The following PATJ variants were observed in gnomAD, a reference collection of about 807,000 sequenced individuals.
PATJ encodes PATJ crumbs cell polarity complex component.
Under a neutral mutation model 224.9 loss-of-function variants are expected in PATJ, and 190 were observed. That is an observed-to-expected ratio of 0.84 (90% CI 0.75 to 0.95). The LOEUF is 0.95. Ranked by LOEUF, PATJ falls within the 40% of genes least tolerant of loss-of-function variation. The probability of loss-of-function intolerance (pLI) is 0.00; values close to 1 mark genes in which losing one functional copy is unlikely to be tolerated. For synonymous variants in PATJ, 769 were observed against 820.3 expected (o/e 0.94, Z 1.07); for missense variants, 2,121 against 2,270.3 (o/e 0.93, Z 1.34).
intron 41 of PATJ, among the ~76,000 whole-genome samples, chr1:62,137,522 G>GAGTGAGGGGGGA (rs1667050299): frequency 3.2e-5 from 3 of 94,656 alleles, no homozygotes; most frequent in Non-Finnish European, 6.5e-5. Flanking sequence ...AGGGGGCACA[G>GAGTGAGGGGGGA]CAGTCTGAGG....
At chr1:62,056,836 T>A (rs1313328393) in intron 31 of PATJ, among the ~76,000 whole-genome samples, 1 of 152,142 alleles carries the variant, frequency 6.6e-6, no homozygotes, top group African/African-American at 2.4e-5. Context: ...TACTACACTT[T>A]GTTTTTTTTA....
chr1:61,803,296 G>A (rs576427814), intron 12 of PATJ, among the ~76,000 whole-genome samples: 1 of 152,038 alleles, frequency 6.6e-6, no homozygotes, highest in Non-Finnish European at 1.5e-5. Flanking sequence ...ATAAATAAAA[G>A]ATAAAACATT....
intron 28 of PATJ, among the ~76,000 whole-genome samples, chr1:62,002,193 G>A (rs1645814457): frequency 1.3e-5 from 2 of 152,032 alleles, no homozygotes; most frequent in Admixed American, 1.3e-4. Flanking sequence ...TTGGATTCTG[G>A]CTCTGCCACC....
At chr1:61,871,843 C>T (rs1278907718) in intron 20 of PATJ, among the ~76,000 whole-genome samples, 6 of 149,218 alleles carry the variant, frequency 4.0e-5, no homozygotes, top group African/African-American at 7.4e-5. Flanking sequence ...GGATTACAGG[C>T]GTGAGCCACC....
At chr1:62,028,034 G>A (rs1172833540) in intron 29 of PATJ, among the ~76,000 whole-genome samples, 2 of 152,066 alleles carry the variant, frequency 1.3e-5, no homozygotes, top group Admixed American at 6.5e-5. Context: ...TGCTTTTGGT[G>A]TTGTATTCAA....
At chr1:62,158,581 C>A (rs1030511939) in intron 43 of PATJ, among the ~76,000 whole-genome samples, 1 of 148,418 alleles carries the variant, frequency 6.7e-6, no homozygotes, top group Non-Finnish European at 1.5e-5. Context: ...ATTAGCCAGG[C>A]GTGGTGGCGG....
chr1:61,856,337 C>G, intron 18 of PATJ, 98 bp downstream of exon 18: 1 of 897,272 alleles, frequency 1.1e-6, no homozygotes, highest in Non-Finnish European at 1.8e-6. Context: ...AATTTCTGTT[C>G]TACTGTTTAC....
chr1:61,810,579 C>G (rs1347344797), intron 14 of PATJ, among the ~76,000 whole-genome samples: 1 of 151,934 alleles, frequency 6.6e-6, no homozygotes, highest in East Asian at 1.9e-4. Flanking sequence ...CACCTGTAGC[C>G]CCAGCTACTT....
At chr1:62,030,899 T>C (rs575364290) in intron 29 of PATJ, among the ~76,000 whole-genome samples, 2 of 152,320 alleles carry the variant, frequency 1.3e-5, no homozygotes, top group African/African-American at 4.8e-5. Flanking sequence ...TATACAAAAA[T>C]TTGATGATCA....
intron 30 of PATJ, chr1:62,039,224 T>C: frequency 5.0e-6 from 2 of 398,596 alleles, no homozygotes; most frequent in Non-Finnish European, 9.8e-6. Context: ...TAATGTGCAG[T>C]GGGCACTTTT....
intron 27 of PATJ, among the ~76,000 whole-genome samples, chr1:61,986,084 G>A (rs1398034465): frequency 6.6e-6 from 1 of 151,940 alleles, no homozygotes; most frequent in Non-Finnish European, 1.5e-5. Context: ...GATGTTAAGT[G>A]CCTCAGCTTG....
intron 3 of PATJ, among the ~76,000 whole-genome samples, chr1:61,763,532 C>CAA (rs201666311): frequency 1.7e-4 from 13 of 75,550 alleles, no homozygotes; most frequent in African/African-American, 3.6e-4. Context: ...GACCCTGTCT[C>CAA]AAAAAAAAAA....
intron 31 of PATJ, among the ~76,000 whole-genome samples, chr1:62,070,773 GC>G (rs932822216): frequency 1.3e-5 from 2 of 152,056 alleles, no homozygotes; most frequent in African/African-American, 2.4e-5. Flanking sequence ...GATAAGTCTG[GC>G]CCCCCAAAAA....
intron 28 of PATJ, among the ~76,000 whole-genome samples, chr1:62,002,965 T>C (rs989904953): frequency 6.6e-6 from 1 of 152,210 alleles, no homozygotes; most frequent in Non-Finnish European, 1.5e-5. Context: ...AAGTCTTGAC[T>C]GGTAGCATAT....
chr1:62,001,659 C>T (rs1187408179), intron 28 of PATJ, among the ~76,000 whole-genome samples: 13 of 151,812 alleles, frequency 8.6e-5, no homozygotes, highest in African/African-American at 2.9e-4. Context: ...ATTGACTTGG[C>T]AATGCGGGCT....
At chr1:61,809,859 T>C (rs1654342676) in intron 14 of PATJ, among the ~76,000 whole-genome samples, 1 of 151,060 alleles carries the variant, frequency 6.6e-6, no homozygotes, top group African/African-American at 2.4e-5. Flanking sequence ...TTCTTTTTTT[T>C]TTTTTGCACA....
rs571030375 is a variant in PATJ at position 61,790,853 on chromosome 1, G to T, written c.1069-495G>T. ...TACAAAGGCCAAAATCAAAGTGTGG[G>T]CCTGGCTGGGCTCTTTTCTGGATGC... is the stretch of plus-strand genomic sequence containing the variant. On this transcript the variant is annotated intron_variant, in intron 8 of 43. Transcript: ENST00000642238. Among the ~76,000 whole-genome samples the T allele has an allele frequency of 1.5e-4, 23 of 152,254 alleles. 1 individual carries two copies. In the South Asian group the frequency reaches 4.8e-3, roughly 32 times the overall value.
At chr1:62,144,755 A>C (rs968304365) in intron 41 of PATJ, among the ~76,000 whole-genome samples, 1 of 93,304 alleles carries the variant, frequency 1.1e-5, no homozygotes, top group Admixed American at 1.4e-4. Context: ...AATGCTCTAG[A>C]ATGTTATTTG....
rs2275356 is a variant in PATJ at position 61,827,230 on chromosome 1, A to T, written c.1819-192A>T. Among the ~76,000 whole-genome samples, 235 of 152,322 alleles carry T rather than the reference A, an allele frequency of 1.5e-3. 8 individuals carry two copies. In the East Asian group the frequency reaches 0.042, roughly 27 times the overall value. ...AAAGATTTAGCCTTAGATTTTAAAA[A>T]TTTTAAGGATTTCTAACATTTTTAT... On this transcript the variant is annotated intron_variant, in intron 15 of 43. Coordinates refer to ENST00000642238, the MANE Select transcript of PATJ (RefSeq NM_001350145.3).
Sources: allele counts gnomAD v4.1 joint callset (sites outside exome capture counted in the v4.1 genomes callset), GRCh38; gene constraint gnomAD v4.1.1; transcripts MANE v1.5; gene names NCBI Gene and HGNC (gene_info 2026-07-23, HGNC 2026-07-21).